The following NSRP1 variants were observed in gnomAD, a reference collection of about 807,000 sequenced individuals.
NSRP1 encodes coiled-coil domain containing 55.
Under a neutral mutation model 54.7 loss-of-function variants are expected in NSRP1, and 24 were observed. The observed-to-expected ratio is 0.44, with a 90% CI of 0.32 to 0.62. The LOEUF (loss-of-function observed/expected upper bound fraction) is 0.62, where lower values mean the gene tolerates loss of function less well. Among genes scored for constraint, NSRP1 ranks in the 20% least tolerant of loss-of-function variants. The probability of loss-of-function intolerance (pLI) is 0.06; values close to 1 mark genes in which losing one functional copy is unlikely to be tolerated. For synonymous variants in NSRP1, 210 were observed against 213.8 expected, an observed-to-expected ratio of 0.98 and a Z score of 0.15; for missense variants, 596 against 651.2, an observed-to-expected ratio of 0.92 and a Z score of 0.92.
intron 2 of NSRP1, among the ~76,000 whole-genome samples, chr17:30,133,131 T>G (rs77976928): frequency 4.0e-4 from 44 of 108,842 alleles, no homozygotes; most frequent in African/African-American, 1.5e-3. Context: ...TTTTTTTTTT[T>G]GGTAGAGACA....
chr17:30,148,799 A>G (rs1284476099), intron 2 of NSRP1, among the ~76,000 whole-genome samples: 2 of 152,120 alleles, frequency 1.3e-5, no homozygotes, highest in African/African-American at 4.8e-5. Context: ...AGGTTTTCAG[A>G]TTTAATTGTT....
At chr17:30,159,716 T>G (rs1904441531) in intron 2 of NSRP1, among the ~76,000 whole-genome samples, 1 of 152,182 alleles carries the variant, frequency 6.6e-6, no homozygotes, top group African/African-American at 2.4e-5. Flanking sequence ...TGGAATGCAG[T>G]GGCACGACCT....
chr17:30,138,909 GTTTTTTTTTTT>G (rs964449971), intron 2 of NSRP1, among the ~76,000 whole-genome samples: 31 of 58,188 alleles, frequency 5.3e-4, no homozygotes, highest in Admixed American at 2.0e-3. Context: ...AAGTCTTAGC[GTTTTTTTTTTT>G]TTTTTTTTTT....
At chr17:30,165,830 A>G (rs1904712363) in intron 2 of NSRP1, among the ~76,000 whole-genome samples, 2 of 152,226 alleles carry the variant, frequency 1.3e-5, no homozygotes, top group Non-Finnish European at 2.9e-5. Context: ...GAAAACATAT[A>G]CAGCCTTTTA....
intron 3 of NSRP1, among the ~76,000 whole-genome samples, chr17:30,177,375 T>A (rs201292548): frequency 1.4e-5 from 2 of 148,072 alleles, no homozygotes. Flanking sequence ...CCCATCGCTT[T>A]AAAAAAAAAA....
rs547590399 is a variant in NSRP1, at chr17:30,154,213, C to T, written c.115-18329C>T. Among the ~76,000 whole-genome samples, 4 of 151,718 alleles carry T rather than the reference C, an allele frequency of 2.6e-5. 1 individual carries two copies. Among genetic ancestry groups the T allele is most frequent in the South Asian group, 2.1e-4 (1 of 4,778 alleles). On this transcript the variant is annotated intron_variant, in intron 2 of 6. Transcript: ENST00000247026. ...GCAGGTGCCTGTGGTCCCAGCTACT[C>T]GGGAGGCTGAGGCGGGAGAATTGCT...
At chr17:30,125,619 G>C (rs941842034) in intron 2 of NSRP1, among the ~76,000 whole-genome samples, 18 of 152,148 alleles carry the variant, frequency 1.2e-4, no homozygotes, top group Non-Finnish European at 2.5e-4. Flanking sequence ...GGCATCTCGG[G>C]TCACTGCAGC....
chr17:30,127,743 A>G (rs1331023768), intron 2 of NSRP1: 20 of 351,300 alleles, frequency 5.7e-5, no homozygotes, highest in Non-Finnish European at 9.1e-5. Flanking sequence ...AAGAGACAAA[A>G]CTTTTTAACC....
At chr17:30,136,393 A>C (rs2071751620) in intron 2 of NSRP1, among the ~76,000 whole-genome samples, 1 of 152,122 alleles carries the variant, frequency 6.6e-6, no homozygotes, top group Non-Finnish European at 1.5e-5. Flanking sequence ...TTAATATATG[A>C]TAGGACAAAG....
chr17:30,163,442 AG>A (rs1904608629), intron 2 of NSRP1, among the ~76,000 whole-genome samples: 2 of 152,050 alleles, frequency 1.3e-5, no homozygotes, highest in African/African-American at 4.8e-5. Flanking sequence ...GATGCAACAA[AG>A]GTACATAGTC....
At chr17:30,158,576 C>T (rs1904399535) in intron 2 of NSRP1, among the ~76,000 whole-genome samples, 1 of 152,004 alleles carries the variant, frequency 6.6e-6, no homozygotes, top group Admixed American at 6.6e-5. Context: ...GTGTTTTCTT[C>T]TAGTAGTTTT....
intron 5 of NSRP1, 88 bp from the exon 6 acceptor site, chr17:30,180,820 C>A: frequency 1.2e-6 from 1 of 821,180 alleles, no homozygotes; most frequent in Non-Finnish European, 2.0e-6. Context: ...GTAGTTTACA[C>A]ACTGTATGTT....
intron 2 of NSRP1, among the ~76,000 whole-genome samples, chr17:30,164,449 G>A (rs536060801): frequency 4.6e-5 from 7 of 152,200 alleles, no homozygotes; most frequent in African/African-American, 1.7e-4. Context: ...GAGATAAAGT[G>A]CCTTATAGGA....
intron 1 of NSRP1, 92 bp from the exon 2 acceptor site, chr17:30,117,988 A>G: frequency 9.9e-7 from 1 of 1,006,514 alleles, no homozygotes; most frequent in Non-Finnish European, 1.5e-6. Flanking sequence ...ACATGTTTTG[A>G]TTTGGTAGCT....
chr17:30,143,729 G>A (rs1055641484), intron 2 of NSRP1, among the ~76,000 whole-genome samples: 6 of 152,116 alleles, frequency 3.9e-5, no homozygotes, highest in African/African-American at 1.4e-4. Context: ...ATTAATTCTA[G>A]TATATATGTT....
chr17:30,119,532 T>G (rs909281237), intron 2 of NSRP1, among the ~76,000 whole-genome samples: 2 of 151,218 alleles, frequency 1.3e-5, no homozygotes, highest in South Asian at 4.2e-4. Context: ...AGATGGAGTC[T>G]CCCTCTTTCG....
intron 2 of NSRP1, among the ~76,000 whole-genome samples, chr17:30,164,094 T>C (rs1163009858): frequency 6.6e-6 from 1 of 152,166 alleles, no homozygotes; most frequent in East Asian, 1.9e-4. Flanking sequence ...CTTTCTTCCC[T>C]TTTTTGTGGG....
rs559783232 is a variant in NSRP1 at position 30,182,599 on chromosome 17, G to A, written c.617+1583G>A. Among the ~76,000 whole-genome samples, 82 of 152,040 alleles carry A rather than the reference G, an allele frequency of 5.4e-4. 1 individual carries two copies. The East Asian group carries it at 6.2e-3, about 11-fold the overall frequency. On this transcript the variant is annotated intron_variant, in intron 6 of 6. Transcript: ENST00000247026. The stretch of plus-strand genomic sequence containing the variant: ...GGAGATTGCAGTGAGCTGAGATAGC[G>A]CCACTGCACTCCAACCTGGCGACAG...
At chr17:30,169,961 C>T (rs966415644) in intron 2 of NSRP1, among the ~76,000 whole-genome samples, 1 of 151,570 alleles carries the variant, frequency 6.6e-6, no homozygotes, top group African/African-American at 2.4e-5. Flanking sequence ...ATATTTAAAA[C>T]TTACACATAT....
Sources: allele counts gnomAD v4.1 joint callset (sites outside exome capture counted in the v4.1 genomes callset), GRCh38; gene constraint gnomAD v4.1.1; transcripts MANE v1.5; gene names NCBI Gene and HGNC (gene_info 2026-07-23, HGNC 2026-07-21).